The following CACNA2D1 variants were observed in gnomAD, a reference collection of about 807,000 sequenced individuals.
CACNA2D1 encodes voltage-dependent calcium channel subunit alpha-2/delta-1.
CACNA2D1 carries 53 observed loss-of-function variants against 171.5 expected under a neutral mutation model. The observed-to-expected ratio is 0.31, with a 90% CI of 0.25 to 0.39. The LOEUF is 0.39. Ranked by LOEUF, CACNA2D1 falls within the 10% of genes least tolerant of loss-of-function variation. The pLI is 1.00. For missense variants in CACNA2D1, 903 were observed against 1,299.8 expected, an observed-to-expected ratio of 0.69 and a Z score of 4.69; for synonymous variants, 442 against 443.1, an observed-to-expected ratio of 1.00 and a Z score of 0.03.
intron 38 of CACNA2D1, among the ~76,000 whole-genome samples, chr7:81,952,477 A>G (rs1313815780): frequency 6.6e-6 from 1 of 152,010 alleles, no homozygotes; most frequent in Non-Finnish European, 1.5e-5. Flanking sequence ...ATCAATTTAC[A>G]TCCCAAATCT....
intron 7 of CACNA2D1, among the ~76,000 whole-genome samples, chr7:82,077,958 C>T (rs554417277): frequency 6.6e-5 from 10 of 152,074 alleles, no homozygotes; most frequent in African/African-American, 2.2e-4. Context: ...TTAAAATATT[C>T]CTAAATTATT....
chr7:81,972,958 T>C (rs553016905), intron 25 of CACNA2D1, among the ~76,000 whole-genome samples: 4 of 152,094 alleles, frequency 2.6e-5, no homozygotes, highest in South Asian at 2.1e-4. Context: ...TACTATATTG[T>C]TTTAGAAACT....
At position 81,954,139 on chromosome 7, in the gene CACNA2D1, G is replaced by A. The variant is rs568427119; in HGVS notation, c.3160-3631C>T. On this transcript the variant is annotated intron_variant, in intron 38 of 38. Transcript: ENST00000356860. ...ATTCTACACAAATGCACTGATGTGG[G>A]AGGAACTCAGCATTATTTCTGTCCT... 1.3e-3 allele frequency among the ~76,000 whole-genome samples: 192 copies of A among 152,124 alleles called. 5 individuals carry two copies. The highest frequency in any genetic ancestry group is 7.9e-3 in the East Asian group (41 of 5,162).
intron 4 of CACNA2D1, among the ~76,000 whole-genome samples, chr7:82,162,242 G>T (rs1388353419): frequency 6.6e-6 from 1 of 151,950 alleles, no homozygotes; most frequent in African/African-American, 2.4e-5. Context: ...TTGGAGGTTT[G>T]CAGTATAAAA....
At chr7:82,317,169 A>G (rs887851926) in intron 3 of CACNA2D1, among the ~76,000 whole-genome samples, 4 of 152,240 alleles carry the variant, frequency 2.6e-5, no homozygotes, top group Admixed American at 6.5e-5. Flanking sequence ...AAGAGTACCT[A>G]GAAGTCTTTT....
intron 1 of CACNA2D1, among the ~76,000 whole-genome samples, chr7:82,440,814 T>A (rs758764132): frequency 2.0e-4 from 31 of 151,720 alleles, no homozygotes; most frequent in Non-Finnish European, 4.3e-4. Flanking sequence ...GTAAACACTC[T>A]ATATTTTTAA....
rs17155964 is a variant in CACNA2D1, at chr7:82,169,178, T to C, written c.354+1372A>G. On this transcript the variant is annotated intron_variant, in intron 4 of 38. Transcript: ENST00000356860. ...TCGTTTTTATCTAAAAGCAACTAAG[T>C]ATATTGTAAGCCTCTTCATTCACTA... is the stretch of plus-strand genomic sequence containing the variant. Among the ~76,000 whole-genome samples, 626 of 152,186 alleles carry C rather than the reference T, an allele frequency of 4.1e-3. 13 individuals are homozygous for C. The East Asian group carries it at 0.064, about 16-fold the overall frequency.
chr7:82,247,778 T>C (rs1805107986), intron 3 of CACNA2D1, among the ~76,000 whole-genome samples: 1 of 152,216 alleles, frequency 6.6e-6, no homozygotes. Flanking sequence ...ACATTATCAA[T>C]TCACTATTCA....
intron 1 of CACNA2D1, among the ~76,000 whole-genome samples, chr7:82,378,560 CTG>C (rs1459638675): frequency 6.6e-6 from 1 of 152,076 alleles, no homozygotes; most frequent in Non-Finnish European, 1.5e-5. Flanking sequence ...TTGAACCATA[CTG>C]TCTCCCTATA....
At chr7:82,103,483 G>T (rs1239966640) in intron 6 of CACNA2D1, among the ~76,000 whole-genome samples, 1 of 152,082 alleles carries the variant, frequency 6.6e-6, no homozygotes, top group Admixed American at 6.6e-5. Flanking sequence ...TTTACATAGA[G>T]TCCTAATGGC....
intron 6 of CACNA2D1, among the ~76,000 whole-genome samples, chr7:82,085,371 A>G (rs113405512): frequency 4.3e-4 from 65 of 152,232 alleles, no homozygotes; most frequent in African/African-American, 1.5e-3. Context: ...TGACACATAG[A>G]ATATGAGGAG....
chr7:82,158,766 G>T (rs1046786504), intron 4 of CACNA2D1, among the ~76,000 whole-genome samples: 1 of 151,866 alleles, frequency 6.6e-6, no homozygotes, highest in Non-Finnish European at 1.5e-5. Flanking sequence ...CTAAATTTCT[G>T]TCATCTTGGC....
intron 3 of CACNA2D1, among the ~76,000 whole-genome samples, chr7:82,282,367 C>G (rs539378870): frequency 6.6e-6 from 1 of 152,226 alleles, no homozygotes; most frequent in African/African-American, 2.4e-5. Context: ...ACCGAGTGAT[C>G]TAGGGAAGTT....
At chr7:82,419,304 C>T (rs1282864058) in intron 1 of CACNA2D1, among the ~76,000 whole-genome samples, 2 of 152,026 alleles carry the variant, frequency 1.3e-5, no homozygotes, top group South Asian at 2.1e-4. Flanking sequence ...AAACAAATAC[C>T]CTTAGCAAGA....
intron 3 of CACNA2D1, among the ~76,000 whole-genome samples, chr7:82,208,621 A>G (rs1464931240): frequency 6.6e-6 from 1 of 152,168 alleles, no homozygotes; most frequent in African/African-American, 2.4e-5. Flanking sequence ...GTTAAAAAGT[A>G]CTGAAAATGG....
chr7:82,046,417 C>A (rs537464624), intron 10 of CACNA2D1, among the ~76,000 whole-genome samples: 1 of 152,122 alleles, frequency 6.6e-6, no homozygotes, highest in African/African-American at 2.4e-5. Flanking sequence ...TGCTGGTTTG[C>A]GGTTTCCTTG....
chr7:82,037,479 C>CAA (rs113083970), intron 11 of CACNA2D1, among the ~76,000 whole-genome samples: 3 of 143,538 alleles, frequency 2.1e-5, no homozygotes, highest in East Asian at 2.0e-4. Flanking sequence ...AACTCCATTT[C>CAA]AAAAAAAAAA....
At chr7:82,000,127 C>T (rs1349895077) in intron 18 of CACNA2D1, among the ~76,000 whole-genome samples, 1 of 151,938 alleles carries the variant, frequency 6.6e-6, no homozygotes, top group Non-Finnish European at 1.5e-5. Context: ...GGCATGGTGG[C>T]CAGCACCTGT....
At chr7:82,165,982 C>T (rs1357211695) in intron 4 of CACNA2D1, among the ~76,000 whole-genome samples, 1 of 151,932 alleles carries the variant, frequency 6.6e-6, no homozygotes, top group Non-Finnish European at 1.5e-5. Flanking sequence ...GACCTCATAC[C>T]AAGTGACTGT....
Sources: gnomAD v4.1 joint callset for allele counts (sites outside exome capture counted in the v4.1 genomes callset) on GRCh38, gnomAD v4.1.1 for gene constraint, MANE v1.5 for transcripts, NCBI Gene and HGNC (gene_info 2026-07-23, HGNC 2026-07-21) for gene names.